CCSER1: variants seen among roughly 807,000 people sequenced by gnomAD.
The protein encoded by CCSER1 is coiled-coil serine rich protein 1, also known as serine-rich coiled-coil domain-containing protein 1.
In CCSER1, 41 loss-of-function variants were observed where a neutral mutation model predicts 82.0. The ratio of observed to expected loss-of-function variants is 0.50; its 90% CI spans 0.39 to 0.65. The LOEUF is 0.65. Ranked by LOEUF, CCSER1 falls within the 30% of genes least tolerant of loss-of-function variation. The probability of loss-of-function intolerance (pLI) is 0.00; values close to 1 mark genes in which losing one functional copy is unlikely to be tolerated. For synonymous variants in CCSER1, 414 were observed against 383.9 expected (o/e 1.08, Z -0.92); for missense variants, 1,119 against 1,064.2 (o/e 1.05, Z -0.72).
chr4:90,464,598 T>C (rs983347941), intron 4 of CCSER1, among the ~76,000 whole-genome samples: 1 of 152,206 alleles, frequency 6.6e-6, no homozygotes, highest in Non-Finnish European at 1.5e-5. Context: ...CTTCATGCAA[T>C]ACATTAACAA....
chr4:90,568,049 A>G (rs571297202), intron 5 of CCSER1, among the ~76,000 whole-genome samples: 2 of 152,316 alleles, frequency 1.3e-5, no homozygotes, highest in African/African-American at 4.8e-5. Flanking sequence ...TCATCAGAAA[A>G]TATATTTGAT....
intron 10 of CCSER1, among the ~76,000 whole-genome samples, chr4:91,367,457 G>A: frequency 7.1e-6 from 1 of 141,204 alleles, no homozygotes; most frequent in Non-Finnish European, 1.5e-5. Context: ...TTAACACACA[G>A]ATGTTCTGAC....
At chr4:90,482,907 C>T (rs1430206029) in intron 5 of CCSER1, among the ~76,000 whole-genome samples, 1 of 152,072 alleles carries the variant, frequency 6.6e-6, no homozygotes, top group Non-Finnish European at 1.5e-5. Context: ...GCAGAACTGA[C>T]TTCAATTCCT....
At chr4:90,857,552 GA>G (rs1237926192) in intron 8 of CCSER1, among the ~76,000 whole-genome samples, 2 of 152,048 alleles carry the variant, frequency 1.3e-5, no homozygotes, top group Non-Finnish European at 2.9e-5. Flanking sequence ...TTGCATACAT[GA>G]GAAAGGAAAA....
chr4:91,101,863 G>T (rs375151670), intron 10 of CCSER1, among the ~76,000 whole-genome samples: 5 of 152,306 alleles, frequency 3.3e-5, no homozygotes, highest in African/African-American at 7.2e-5. Flanking sequence ...AACAGAGCAG[G>T]TTTCTCATCA....
At chr4:90,704,194 G>A (rs572903599) in intron 6 of CCSER1, among the ~76,000 whole-genome samples, 32 of 152,224 alleles carry the variant, frequency 2.1e-4, no homozygotes, top group African/African-American at 7.7e-4. Flanking sequence ...CTCAGCATTT[G>A]CTTGTGTGTA....
intron 5 of CCSER1, among the ~76,000 whole-genome samples, chr4:90,550,675 C>T (rs1230785026): frequency 6.6e-6 from 1 of 152,032 alleles, no homozygotes; most frequent in African/African-American, 2.4e-5. Context: ...TATAATATAT[C>T]ATAATTGAAA....
chr4:91,338,083 A>T (rs1044787035), intron 10 of CCSER1, among the ~76,000 whole-genome samples: 11 of 152,086 alleles, frequency 7.2e-5, no homozygotes, highest in African/African-American at 2.7e-4. Flanking sequence ...CTTGTATGTG[A>T]ACACTGACTC....
At chr4:90,721,879 T>A (rs1013231160) in intron 6 of CCSER1, among the ~76,000 whole-genome samples, 1 of 151,420 alleles carries the variant, frequency 6.6e-6, no homozygotes, top group Non-Finnish European at 1.5e-5. Flanking sequence ...TTTGTTTTTT[T>A]AAAATATTTA....
At chr4:90,596,716 T>C (rs1308820262) in intron 5 of CCSER1, among the ~76,000 whole-genome samples, 1 of 148,474 alleles carries the variant, frequency 6.7e-6, no homozygotes, top group African/African-American at 2.6e-5. Flanking sequence ...GATATTTTTT[T>C]ACCAAAAAAA....
At chr4:91,160,730 T>G (rs573029781) in intron 10 of CCSER1, among the ~76,000 whole-genome samples, 1 of 151,722 alleles carries the variant, frequency 6.6e-6, no homozygotes, top group Admixed American at 6.5e-5. Context: ...TTTGCCCACT[T>G]TTTGATGTTG....
chr4:90,324,992 G>T (rs59361225), intron 3 of CCSER1, among the ~76,000 whole-genome samples: 3 of 151,968 alleles, frequency 2.0e-5, no homozygotes, highest in Non-Finnish European at 4.4e-5. Flanking sequence ...TATACGTGGC[G>T]TTATTTCTGA....
At chr4:90,212,163 A>G (rs920768652) in intron 1 of CCSER1, among the ~76,000 whole-genome samples, 2 of 152,216 alleles carry the variant, frequency 1.3e-5, no homozygotes, top group Admixed American at 6.5e-5. Context: ...AATTGCCACA[A>G]TAAGATTCCC....
rs186403483 is a variant in CCSER1, at chr4:90,252,210, C to T, written c.-41-56034C>T. ...AAAAATTTGAAATCCAAAAGTGCTCCGATGAGCATTTCTTTTGAGCATCAT... is the reference window on the plus strand; with the variant it reads ...AAAAATTTGAAATCCAAAAGTGCTCTGATGAGCATTTCTTTTGAGCATCAT... On this transcript the variant is annotated intron_variant, in intron 1 of 10. Transcript: ENST00000509176. Among the ~76,000 whole-genome samples, 1,082 of 151,840 alleles carry T rather than the reference C, an allele frequency of 7.1e-3. 6 individuals are homozygous for T. Among genetic ancestry groups the T allele is most frequent in the Non-Finnish European group, 0.01 (709 of 67,782 alleles).
Position 90,630,574 on chromosome 4 carries a change from G to A in CCSER1, c.1932+2342G>A, listed in dbSNP as rs944533944. Among the ~76,000 whole-genome samples the A allele has an allele frequency of 2.6e-5, 4 of 152,124 alleles. 1 individual carries two copies. The highest frequency in any genetic ancestry group is 2.6e-4 in the Admixed American group (4 of 15,266). On this transcript the variant is annotated intron_variant, in intron 6 of 10. Coordinates refer to ENST00000509176, the MANE Select transcript of CCSER1 (RefSeq NM_001145065.2). The stretch of plus-strand genomic sequence containing the variant: ...ACAATACTTAATATATGTTTGTGCA[G>A]CCCATTCAGTGAGCAGAGGGTCTTT...
intron 4 of CCSER1, among the ~76,000 whole-genome samples, chr4:90,427,949 G>A (rs1303524854): frequency 6.6e-6 from 1 of 151,720 alleles, no homozygotes; most frequent in East Asian, 1.9e-4. Context: ...CTATGGTTTT[G>A]TTATATTAGC....
At chr4:90,494,275 G>C (rs563666667) in intron 5 of CCSER1, among the ~76,000 whole-genome samples, 1 of 152,304 alleles carries the variant, frequency 6.6e-6, no homozygotes, top group East Asian at 1.9e-4. Flanking sequence ...CAAGTACTTA[G>C]TGACCGACAA....
At chr4:91,341,126 C>T (rs1372698287) in intron 10 of CCSER1, among the ~76,000 whole-genome samples, 1 of 152,170 alleles carries the variant, frequency 6.6e-6, no homozygotes, top group African/African-American at 2.4e-5. Context: ...CTGTTTTATT[C>T]TCAACATTTA....
chr4:90,470,406 G>C (rs564745135), intron 5 of CCSER1, among the ~76,000 whole-genome samples: 55 of 152,254 alleles, frequency 3.6e-4, no homozygotes, highest in Non-Finnish European at 6.6e-4. Flanking sequence ...CAAGAACAGA[G>C]TATAAATGCA....
Sources: gnomAD v4.1 joint callset for allele counts (sites outside exome capture counted in the v4.1 genomes callset) on GRCh38, gnomAD v4.1.1 for gene constraint, MANE v1.5 for transcripts, NCBI Gene and HGNC (gene_info 2026-07-23, HGNC 2026-07-21) for gene names.